TMEM45B: variants seen among roughly 807,000 people sequenced by gnomAD.
TMEM45B encodes the protein transmembrane protein 45B.
TMEM45B carries 29 observed loss-of-function variants against 27.3 expected under a neutral mutation model. That is an observed-to-expected ratio of 1.06 (90% CI 0.79 to 1.45). The LOEUF (loss-of-function observed/expected upper bound fraction) is 1.45. Ranked by LOEUF, TMEM45B falls within the 40% of genes most tolerant of loss-of-function variation. The pLI is 0.00. For missense variants in TMEM45B, 348 were observed against 343.9 expected, an observed-to-expected ratio of 1.01 and a Z score of -0.09; for synonymous variants, 143 against 134.7, an observed-to-expected ratio of 1.06 and a Z score of -0.43.
chr11:129,824,811 A>G (rs1393358152), intron 1 of TMEM45B, among the ~76,000 whole-genome samples: 1 of 152,256 alleles, frequency 6.6e-6, no homozygotes, highest in Non-Finnish European at 1.5e-5. Context: ...TTGAAAACAC[A>G]GAGGTGAGGC....
At position 129,858,583 on chromosome 11, in the gene TMEM45B, TC is replaced by T; in HGVS notation, c.727del (p.Arg243GlyfsTer2). ...TCTTTCTCTATTAAAGCCTTTTGAC[TC>T]GGATGAAGAGACACGGAAGGGGAGA... The part of the protein sequence containing the change: ...NYSLVYCLLT[R>X]MKRHGRGEII... On this transcript the variant is annotated frameshift_variant, in exon 6 of 6. Transcript: ENST00000281441. LOFTEE classifies it high-confidence loss of function. 6.3e-7 allele frequency: 1 copy of T among 1,583,644 alleles called. No homozygotes were observed. Among genetic ancestry groups the T allele is most frequent in the Non-Finnish European group, 8.6e-7 (1 of 1,163,592 alleles).
At chr11:129,846,322 G>A (rs969757201) in intron 1 of TMEM45B, among the ~76,000 whole-genome samples, 1 of 152,118 alleles carries the variant, frequency 6.6e-6, no homozygotes, top group Non-Finnish European at 1.5e-5. Flanking sequence ...ACAAAAATTA[G>A]CCAGGCGTGG....
At chr11:129,838,373 C>T (rs1947650204) in intron 1 of TMEM45B, among the ~76,000 whole-genome samples, 1 of 152,130 alleles carries the variant, frequency 6.6e-6, no homozygotes, top group African/African-American at 2.4e-5. Flanking sequence ...CCACTGGACT[C>T]GAGAATGACC....
At chr11:129,840,983 CA>C (rs1947684236) in intron 1 of TMEM45B, among the ~76,000 whole-genome samples, 1 of 104,344 alleles carries the variant, frequency 9.6e-6, no homozygotes, top group East Asian at 3.0e-4. Context: ...AACAAACAAC[CA>C]AAAAATATAT....
intron 1 of TMEM45B, among the ~76,000 whole-genome samples, chr11:129,838,996 C>G (rs1947657935): frequency 6.6e-6 from 1 of 152,190 alleles, no homozygotes; most frequent in Non-Finnish European, 1.5e-5. Context: ...ACCATTTCCT[C>G]TCTCTTCTGT....
chr11:129,849,929 A>G (rs1219647853), intron 1 of TMEM45B, among the ~76,000 whole-genome samples: 1 of 151,990 alleles, frequency 6.6e-6, no homozygotes, highest in African/African-American at 2.4e-5. Context: ...ATTTTCCGAA[A>G]TGACTTTGGG....
chr11:129,842,349 C>A (rs1410289544), intron 1 of TMEM45B, among the ~76,000 whole-genome samples: 3 of 152,108 alleles, frequency 2.0e-5, no homozygotes, highest in Admixed American at 1.3e-4. Flanking sequence ...GAGAACCACA[C>A]AGGAAGGACA....
At position 129,855,744 on chromosome 11, in the gene TMEM45B, C is replaced by G; in HGVS notation, c.422C>G (p.Pro141Arg). The G allele has an allele frequency of 6.2e-7, 1 of 1,614,182 alleles. No homozygotes were observed. Among genetic ancestry groups the G allele is most frequent in the Non-Finnish European group, 8.5e-7 (1 of 1,180,042 alleles). The change falls in exon 4 of 6, where the codon CCG (proline) becomes CGG (arginine). Residue 141 changes from proline to arginine, a missense_variant. By Grantham distance (103) the Pro-to-Arg change is moderately radical. Transcript: ENST00000281441. ...TACTACCACGTCCACAACCGGCCTC[C>G]GCTGGACCAGCACATCCACTCACTC... Reference protein sequence around the residue: ...LFYYHVHNRPPLDQHIHSLLL... With the variant: ...LFYYHVHNRPRLDQHIHSLLL...
At chr11:129,823,557 C>G (rs1226316052) in intron 1 of TMEM45B, among the ~76,000 whole-genome samples, 1 of 152,186 alleles carries the variant, frequency 6.6e-6, no homozygotes, top group Admixed American at 6.5e-5. Flanking sequence ...TAAATTGACC[C>G]TATTATCTGT....
rs71057982 is a variant in TMEM45B, at chr11:129,851,543, C to CAAAAAAAAAAAAAAAAAAA, written c.-8-917_-8-916insAAAAAAAAAAAAAAAAAAA. On this transcript the variant is annotated intron_variant, in intron 1 of 5. Coordinates refer to ENST00000281441, the MANE Select transcript of TMEM45B (RefSeq NM_138788.5). The stretch of plus-strand genomic sequence containing the variant: ...TGGGTGACAGAGTGAAACTCTGCCT[C>CAAAAAAAAAAAAAAAAAAA]AAAAAAAAAAAAAAAGTCCCCTTCT... 2.2e-4 allele frequency among the ~76,000 whole-genome samples: 12 copies of CAAAAAAAAAAAAAAAAAAA among 54,952 alleles called. 1 individual carries two copies. The highest frequency in any genetic ancestry group is 8.7e-4 in the South Asian group (2 of 2,288). The allele number at this position is 54,952 out of a possible 152,430, so 36.1% of individuals were successfully genotyped here. A position where few individuals can be genotyped will look rare whatever the true frequency, so the allele number is the denominator to read the frequency against.
chr11:129,839,169 C>T (rs902930126), intron 1 of TMEM45B, among the ~76,000 whole-genome samples: 4 of 152,104 alleles, frequency 2.6e-5, no homozygotes, highest in Admixed American at 2.6e-4. Flanking sequence ...AATGATCTCC[C>T]TAGATATGAA....
chr11:129,856,402 G>A (rs1286711090), intron 4 of TMEM45B, among the ~76,000 whole-genome samples: 1 of 150,014 alleles, frequency 6.7e-6, no homozygotes, highest in Non-Finnish European at 1.5e-5. Context: ...TTAGAGACAG[G>A]GTTTCACCAT....
chr11:129,850,583 C>T (rs993564229), intron 1 of TMEM45B: 1 of 152,214 alleles, frequency 6.6e-6, no homozygotes, highest in Admixed American at 6.5e-5. Context: ...TCCATGAAGT[C>T]CTAGGAAACG....
chr11:129,827,982 C>T (rs1947506016), intron 1 of TMEM45B, among the ~76,000 whole-genome samples: 2 of 151,570 alleles, frequency 1.3e-5, no homozygotes, highest in African/African-American at 2.4e-5. Context: ...AAAAAAGAAA[C>T]AAAAAAGTAT....
chr11:129,827,367 C>A (rs1262244830), intron 1 of TMEM45B, among the ~76,000 whole-genome samples: 1 of 152,190 alleles, frequency 6.6e-6, no homozygotes, highest in Non-Finnish European at 1.5e-5. Context: ...TTAGCAGATG[C>A]TGAAGGGAGT....
intron 1 of TMEM45B, among the ~76,000 whole-genome samples, chr11:129,851,479 G>A (rs1244436551): frequency 7.3e-6 from 1 of 136,256 alleles, no homozygotes; most frequent in Non-Finnish European, 1.5e-5. Flanking sequence ...GGGAGGCAGA[G>A]GTTGTAGTGA....
chr11:129,832,757 T>C (rs572704956), intron 1 of TMEM45B, among the ~76,000 whole-genome samples: 1 of 152,294 alleles, frequency 6.6e-6, no homozygotes, highest in South Asian at 2.1e-4. Context: ...AGTGGGTTTC[T>C]TTTTAAGTAG....
At chr11:129,819,698 G>GGC (rs1565361291) in intron 1 of TMEM45B, among the ~76,000 whole-genome samples, 289 of 151,954 alleles carry the variant, frequency 1.9e-3, no homozygotes, top group African/African-American at 6.7e-3. Flanking sequence ...TGGGATTACA[G>GGC]ACGTGCACCA....
intron 1 of TMEM45B, among the ~76,000 whole-genome samples, chr11:129,835,152 A>T (rs563808): frequency 0.89 from 135,615 of 152,252 alleles, 60,849 homozygotes; most frequent in East Asian, 1. Context: ...AGACAAGCTA[A>T]AAAAGGAATT....
Sources: gnomAD v4.1 joint callset for allele counts (sites outside exome capture counted in the v4.1 genomes callset) on GRCh38, gnomAD v4.1.1 for gene constraint, MANE v1.5 for transcripts, NCBI Gene and HGNC (gene_info 2026-07-23, HGNC 2026-07-21) for gene names.